AKT3: variants seen among roughly 807,000 people sequenced by gnomAD.
AKT3 encodes the protein RAC-gamma serine/threonine-protein kinase.
A neutral mutation model predicts 65.3 loss-of-function variants in AKT3; 15 were observed. The observed-to-expected ratio is 0.23, with a 90% CI of 0.15 to 0.35. The LOEUF (loss-of-function observed/expected upper bound fraction) is 0.35, where lower values mean the gene tolerates loss of function less well. Ranked by LOEUF, AKT3 falls within the 10% of genes least tolerant of loss-of-function variation. The probability of loss-of-function intolerance (pLI) is 1.00; values close to 1 mark genes in which losing one functional copy is unlikely to be tolerated. For synonymous variants in AKT3, 206 were observed against 183.8 expected, an observed-to-expected ratio of 1.12 and a Z score of -0.98; for missense variants, 243 against 576.5, an observed-to-expected ratio of 0.42 and a Z score of 5.92.
At chr1:243,536,874 GA>G (rs1330532053) in intron 12 of AKT3, among the ~76,000 whole-genome samples, 8 of 152,126 alleles carry the variant, frequency 5.3e-5, no homozygotes, top group African/African-American at 1.9e-4. Context: ...GCCATTATTT[GA>G]GTGTGATAAG....
downstream of AKT3, among the ~76,000 whole-genome samples, chr1:243,498,831 C>CCTAA (rs199587666): frequency 3.9e-5 from 6 of 152,158 alleles, no homozygotes; most frequent in South Asian, 2.1e-4. Flanking sequence ...GAAGATGGTT[C>CCTAA]CTAACTAAAG....
downstream of AKT3, among the ~76,000 whole-genome samples, chr1:243,496,536 G>C (rs967842824): frequency 1.3e-5 from 2 of 152,176 alleles, no homozygotes; most frequent in Non-Finnish European, 2.9e-5. Flanking sequence ...CCAGTGAGCA[G>C]AGCGGACAGC....
rs188435703 is a variant in AKT3, at chr1:243,615,193, A to C, written c.562-32T>G. ...AAGAAAAAAAGCAAACCTTCAATAT[A>C]TGTTTTGAGCACTGATAATAATAAT... On this transcript the variant is annotated intron_variant, in intron 6 of 13. Coordinates refer to ENST00000673466, the MANE Select transcript of AKT3 (RefSeq NM_005465.7). The C allele has an allele frequency of 3.2e-5, 48 of 1,518,302 alleles. No individual in the cohort carries two copies. In the East Asian group the frequency reaches 1.1e-3, roughly 34 times the overall value. 94.1% of individuals were successfully genotyped at this position (1,518,302 alleles called of 1,614,324 possible). A position where few individuals can be genotyped will look rare whatever the true frequency, so the allele number is the denominator to read the frequency against.
intron 2 of AKT3, among the ~76,000 whole-genome samples, chr1:243,815,822 G>C (rs1693487948): frequency 9.3e-6 from 1 of 107,976 alleles, no homozygotes. Flanking sequence ...TCACCATCTT[G>C]CCCAGGCTGA....
At chr1:243,642,060 A>C (rs1389191016) in intron 5 of AKT3, among the ~76,000 whole-genome samples, 1 of 152,238 alleles carries the variant, frequency 6.6e-6, no homozygotes, top group African/African-American at 2.4e-5. Flanking sequence ...CAATCTTTAA[A>C]AAAAAGGGAA....
chr1:243,702,664 A>G (rs1256312366), intron 2 of AKT3, among the ~76,000 whole-genome samples: 2 of 152,204 alleles, frequency 1.3e-5, no homozygotes, highest in Non-Finnish European at 2.9e-5. Flanking sequence ...ATTTACATAA[A>G]TGAGGCAACG....
rs534571936 is a variant in AKT3 at position 243,566,048 on chromosome 1, A to G, written c.820-2200T>C. On this transcript the variant is annotated intron_variant, in intron 9 of 13. Transcript: ENST00000673466. ...TGTGTAATGTGCCAATACTCCTCAC[A>G]TGCTTTGTATGCATGGGAAAGTCTT... Among the ~76,000 whole-genome samples, 9 of 152,294 alleles carry G rather than the reference A, an allele frequency of 5.9e-5. No individual in the cohort carries two copies. The South Asian group carries it at 1.9e-3, about 32-fold the overall frequency.
intron 10 of AKT3, among the ~76,000 whole-genome samples, chr1:243,554,977 C>T (rs1349750897): frequency 6.6e-6 from 1 of 151,482 alleles, no homozygotes; most frequent in African/African-American, 2.4e-5. Flanking sequence ...GAGAAGTAAG[C>T]AACTGAAAAA....
At chr1:243,556,446 G>A (rs1282005250) in intron 10 of AKT3, among the ~76,000 whole-genome samples, 1 of 151,922 alleles carries the variant, frequency 6.6e-6, no homozygotes, top group Non-Finnish European at 1.5e-5. Context: ...GGATTTACTA[G>A]GAGGTTAAAG....
chr1:243,518,097 C>T (rs1451295747), intron 12 of AKT3, among the ~76,000 whole-genome samples: 5 of 152,186 alleles, frequency 3.3e-5, no homozygotes, highest in Non-Finnish European at 7.4e-5. Context: ...ACCTAGGTTT[C>T]TTGATCTCAA....
At chr1:243,672,352 T>TTA (rs1463042404) in intron 3 of AKT3, among the ~76,000 whole-genome samples, 1 of 152,174 alleles carries the variant, frequency 6.6e-6, no homozygotes, top group Non-Finnish European at 1.5e-5. Flanking sequence ...AAAAGTTCAA[T>TTA]TACTAATAAT....
chr1:243,733,174 C>T (rs114671329), intron 2 of AKT3, among the ~76,000 whole-genome samples: 1 of 152,182 alleles, frequency 6.6e-6, no homozygotes, highest in South Asian at 2.1e-4. Context: ...ACAAACTAGA[C>T]TCCATTTAAA....
chr1:243,645,535 G>A (rs1415944309), intron 5 of AKT3, among the ~76,000 whole-genome samples: 2 of 152,096 alleles, frequency 1.3e-5, no homozygotes, highest in Non-Finnish European at 1.5e-5. Context: ...CTTTTCGGGA[G>A]AATACGAAAT....
chr1:243,715,384 T>A (rs549913466), intron 2 of AKT3, among the ~76,000 whole-genome samples: 9 of 152,244 alleles, frequency 5.9e-5, no homozygotes, highest in Non-Finnish European at 1.3e-4. Context: ...TTTTGTATAC[T>A]GCTTTACAGT....
At chr1:243,562,109 T>C (rs1451139474) in intron 10 of AKT3, among the ~76,000 whole-genome samples, 1 of 151,970 alleles carries the variant, frequency 6.6e-6, no homozygotes, top group Non-Finnish European at 1.5e-5. Context: ...ATAAACAAAA[T>C]GTGGTATATC....
At chr1:243,826,149 G>C (rs557925292) in intron 2 of AKT3, among the ~76,000 whole-genome samples, 14 of 151,732 alleles carry the variant, frequency 9.2e-5, no homozygotes, top group Non-Finnish European at 1.8e-4. Flanking sequence ...AAAAAAAAAA[G>C]AAAGGAGCAT....
intron 2 of AKT3, among the ~76,000 whole-genome samples, chr1:243,764,376 T>C (rs2148254717): frequency 6.6e-6 from 1 of 152,200 alleles, no homozygotes; most frequent in African/African-American, 2.4e-5. Flanking sequence ...ATTTGTGCCG[T>C]GTATCAAAAG....
intron 2 of AKT3, among the ~76,000 whole-genome samples, chr1:243,709,795 G>A (rs1281396078): frequency 6.6e-6 from 1 of 151,998 alleles, no homozygotes; most frequent in Non-Finnish European, 1.5e-5. Context: ...AACAACTGCT[G>A]TTCTATGCGT....
chr1:243,818,678 T>G (rs1447543450), intron 2 of AKT3, among the ~76,000 whole-genome samples: 1 of 151,862 alleles, frequency 6.6e-6, no homozygotes, highest in Non-Finnish European at 1.5e-5. Flanking sequence ...ATTTGATAAT[T>G]TTATTCAGCA....
Sources: allele counts gnomAD v4.1 joint callset (sites outside exome capture counted in the v4.1 genomes callset), GRCh38; gene constraint gnomAD v4.1.1; transcripts MANE v1.5; gene names NCBI Gene and HGNC (gene_info 2026-07-23, HGNC 2026-07-21).